ZZEF1: variants seen among roughly 807,000 people sequenced by gnomAD.
ZZEF1 encodes zinc finger ZZ-type and EF-hand domain-containing protein 1.
Under a neutral mutation model 342.8 loss-of-function variants are expected in ZZEF1, and 157 were observed. The observed-to-expected ratio is 0.46, with a 90% CI of 0.40 to 0.52. ZZEF1 has a LOEUF of 0.52. ZZEF1 is among the 20% of genes least tolerant of loss of function. The pLI, the probability that ZZEF1 is intolerant of heterozygous loss-of-function variation, is 0.00. For missense variants in ZZEF1, 3,480 were observed against 3,725.6 expected (o/e 0.93, Z 1.72); for synonymous variants, 1,505 against 1,429.1 (o/e 1.05, Z -1.20).
chr17:4,095,839 T>C lies in ZZEF1; in HGVS notation c.1905A>G (p.Val635=), dbSNP rs1196305616. 6.2e-7 allele frequency: 1 copy of C among 1,607,384 alleles called. No individual in the cohort carries two copies. Among genetic ancestry groups the C allele is most frequent in the Non-Finnish European group, 8.5e-7 (1 of 1,177,132 alleles). Residue 635 remains valine, a synonymous_variant, in exon 11 of 55, where the codon GTA becomes GTG. Transcript: ENST00000381638. ...ATTTTTTACCTTCTTACCTGCTTTT[T>C]ACAAATTGCCTGAGCTCCTGAAGCT... ...KWKLQELRQF[V]KSRIGCSSDD...
chr17:4,036,074 T>A (rs1008015452), intron 39 of ZZEF1, among the ~76,000 whole-genome samples: 3 of 114,478 alleles, frequency 2.6e-5, no homozygotes, highest in African/African-American at 1.3e-4. Flanking sequence ...CACTACAGCC[T>A]GTCCAAAAAA....
At chr17:4,123,380 A>T (rs903143664) in intron 2 of ZZEF1, among the ~76,000 whole-genome samples, 1 of 146,312 alleles carries the variant, frequency 6.8e-6, no homozygotes, top group Non-Finnish European at 1.5e-5. Flanking sequence ...GGGGTGCTGG[A>T]ACATCTCCCG....
At chr17:4,111,955 C>T (rs1437334908) in intron 5 of ZZEF1, among the ~76,000 whole-genome samples, 2 of 140,604 alleles carry the variant, frequency 1.4e-5, no homozygotes, top group Admixed American at 1.5e-4. Flanking sequence ...ACTGCTTGAA[C>T]CCAGGAGTCT....
intron 16 of ZZEF1, among the ~76,000 whole-genome samples, chr17:4,084,720 G>T (rs2057787199): frequency 6.6e-6 from 1 of 152,180 alleles, no homozygotes; most frequent in Non-Finnish European, 1.5e-5. Context: ...GTAACACAGT[G>T]CTTATAGATA....
At chr17:4,129,998 C>G (rs2058637995) in intron 1 of ZZEF1, among the ~76,000 whole-genome samples, 1 of 152,048 alleles carries the variant, frequency 6.6e-6, no homozygotes, top group Admixed American at 6.6e-5. Flanking sequence ...ACAACGGACC[C>G]TGGGGCCTAC....
At chr17:4,060,478 G>A (rs761449935) in intron 30 of ZZEF1, among the ~76,000 whole-genome samples, 25 of 152,150 alleles carry the variant, frequency 1.6e-4, no homozygotes, top group Non-Finnish European at 1.9e-4. Flanking sequence ...GAACCTGGGA[G>A]ACGGAGGCCG....
At position 4,075,365 on chromosome 17, in the gene ZZEF1, G is replaced by T. The variant is rs2057590812; in HGVS notation, c.3299C>A (p.Ala1100Asp). The T allele has an allele frequency of 6.2e-7, 1 of 1,614,064 alleles. No homozygotes were observed. Among genetic ancestry groups the T allele is most frequent in the Non-Finnish European group, 8.5e-7 (1 of 1,180,032 alleles). ...VVLHTWTKES[A>D]HNYENNCHEV... ...ATGGCAATTATTTTCATAGTTGTGG[G>T]CAGATTCCTTCGTCCACGTATGTAA... Residue 1100 changes from alanine to aspartate, a missense_variant, in exon 22 of 55, where the codon GCC becomes GAC. By Grantham distance (126) the Ala-to-Asp change is moderately radical (BLOSUM62 -2). This residue lies in a region of ZZEF1 where 1,528 missense variants were observed against 1,624.1 expected (regional missense o/e 0.94). Transcript: ENST00000381638.
chr17:4,075,085 A>C lies in ZZEF1; in HGVS notation c.3483+12T>G. 1 of 1,613,944 alleles carries C rather than the reference A, an allele frequency of 6.2e-7. No homozygotes were observed. The highest frequency in any genetic ancestry group is 8.5e-7 in the Non-Finnish European group (1 of 1,179,838). On this transcript the variant is annotated intron_variant, in intron 23 of 54. Coordinates refer to ENST00000381638, the MANE Select transcript of ZZEF1 (RefSeq NM_015113.4). ...GCAGAAGTAGGTACCTCTTTCTGGGACTATCACTCACCTTGGGCCATTTAT... is the reference window on the plus strand; with the variant it reads ...GCAGAAGTAGGTACCTCTTTCTGGGCCTATCACTCACCTTGGGCCATTTAT...
chr17:4,077,829 C>CA, intron 19 of ZZEF1, 54 bp downstream of exon 19: 4 of 1,586,200 alleles, frequency 2.5e-6, no homozygotes, highest in Non-Finnish European at 3.4e-6. Context: ...AGAGAACACT[C>CA]AGAGTCAAAA....
At chr17:4,074,984 G>T in intron 23 of ZZEF1, 113 bp downstream of exon 23, 1 of 1,066,708 alleles carries the variant, frequency 9.4e-7, no homozygotes, top group Non-Finnish European at 1.4e-6. Context: ...TTTCACAAAC[G>T]TGTAACATAA....
At chr17:4,084,374 C>T (rs1193506576) in intron 16 of ZZEF1, among the ~76,000 whole-genome samples, 3 of 151,974 alleles carry the variant, frequency 2.0e-5, no homozygotes, top group Non-Finnish European at 2.9e-5. Context: ...ATAAATCCAA[C>T]TTGGCCATAA....
chr17:4,077,653 C>A (rs940251363), intron 19 of ZZEF1, among the ~76,000 whole-genome samples: 17 of 152,166 alleles, frequency 1.1e-4, no homozygotes, highest in Non-Finnish European at 2.2e-4. Context: ...GTGAAATGAT[C>A]TAATTCTACA....
Position 4,112,033 on chromosome 17 carries a change from AATATATATATATATATATATATAT to A in ZZEF1, c.1066+552_1066+575del, listed in dbSNP as rs57925351. ...GGGTGACAAAAAGAGATCCTGTCTA[AATATATATATATATATATATATAT>A]ATATATATATATATATATATATATA... On this transcript the variant is annotated intron_variant, in intron 5 of 54. Coordinates refer to ENST00000381638, the MANE Select transcript of ZZEF1 (RefSeq NM_015113.4). 3.9e-3 allele frequency among the ~76,000 whole-genome samples: 210 copies of A among 54,444 alleles called. 6 individuals carry two copies. Among genetic ancestry groups the A allele is most frequent in the South Asian group, 0.011 (16 of 1,434 alleles). The allele number at this position is 54,444 out of a possible 152,430, so 35.7% of individuals were successfully genotyped here. A position where few individuals can be genotyped will look rare whatever the true frequency, so the allele number is the denominator to read the frequency against.
chr17:4,142,459 C>T, intron 1 of ZZEF1, 83 bp downstream of exon 1: 1 of 1,464,186 alleles, frequency 6.8e-7, no homozygotes, highest in Non-Finnish European at 9.2e-7. Context: ...CCTGGCCTCT[C>T]CAAAGCAAAT....
At chr17:4,098,252 A>G (rs2058072717) in intron 9 of ZZEF1, among the ~76,000 whole-genome samples, 1 of 151,514 alleles carries the variant, frequency 6.6e-6, no homozygotes. Context: ...AAAAAAAAAA[A>G]AAAAAAAAAA....
In ZZEF1 at chr17:4,081,411, C is replaced by T; in HGVS notation, c.2794G>A (p.Val932Ile). 2 of 1,613,850 alleles carry T rather than the reference C, an allele frequency of 1.2e-6. No homozygotes were observed. Among genetic ancestry groups the T allele is most frequent in the East Asian group, 2.2e-5 (1 of 44,882 alleles). The change falls in exon 18 of 55, where the codon GTC becomes ATC. Residue 932 changes from valine (V) to isoleucine (I), a missense_variant. Val to Ile is a conservative substitution (Grantham distance 29, BLOSUM62 3). Transcript: ENST00000381638. ...GCAACAGAGACGAGAGTGTCCATGA[C>T]CGCCAGGACTTCACTGATGTTCATC... ...AKMNISEVLAVMDTLVSVAAR... is the reference protein window; with the variant it reads ...AKMNISEVLAIMDTLVSVAAR...
rs775211270 is a variant in ZZEF1 at position 4,087,477 on chromosome 17, C to G, written c.2299G>C (p.Asp767His). Residue 767 changes from aspartate (D) to histidine (H), a missense_variant, in exon 14 of 55, where the codon GAT (aspartate) becomes CAT (histidine). Coordinates refer to ENST00000381638, the MANE Select transcript of ZZEF1 (RefSeq NM_015113.4). ...YKSFLDFAGL[D>H]LQIFWNFYSK... is the part of the protein sequence containing the mutation. ...TAAAAATTCCAGAAGATCTGCAAAT[C>G]AAGACCCGCGAAGTCCAGAAAAGAT... 2.5e-6 allele frequency: 4 copies of G among 1,611,046 alleles called. No homozygotes were observed.
intron 1 of ZZEF1, among the ~76,000 whole-genome samples, chr17:4,124,289 C>T (rs1215938604): frequency 1.3e-5 from 2 of 151,896 alleles, no homozygotes. Flanking sequence ...AAGAGAGTAA[C>T]CATTAAGTAA....
At chr17:4,123,345 T>C (rs972943782) in intron 2 of ZZEF1, among the ~76,000 whole-genome samples, 3 of 143,430 alleles carry the variant, frequency 2.1e-5, no homozygotes, top group African/African-American at 7.7e-5. Context: ...GGTTGGGTAC[T>C]ATCCTTGGTT....
Sources: gnomAD v4.1 joint callset for allele counts (sites outside exome capture counted in the v4.1 genomes callset) on GRCh38, gnomAD v4.1.1 for gene constraint, gnomAD v4.1.1 regional missense constraint, MANE v1.5 for transcripts, NCBI Gene and HGNC (gene_info 2026-07-23, HGNC 2026-07-21) for gene names.